The following EBF3 variants were observed in gnomAD, a reference collection of about 807,000 sequenced individuals.
The protein encoded by EBF3 is EBF transcription factor 3, also known as transcription factor COE3.
Under a neutral mutation model 77.1 loss-of-function variants are expected in EBF3, and 18 were observed. The ratio of observed to expected loss-of-function variants is 0.23; its 90% confidence interval spans 0.16 to 0.35. EBF3 has a LOEUF of 0.35. Among genes scored for constraint, EBF3 ranks in the 10% least tolerant of loss-of-function variants. The probability of loss-of-function intolerance (pLI) is 1.00; values close to 1 mark genes in which losing one functional copy is unlikely to be tolerated. For synonymous variants in EBF3, 350 were observed against 343.5 expected, an observed-to-expected ratio of 1.02 and a Z score of -0.21; for missense variants, 558 against 860.0, an observed-to-expected ratio of 0.65 and a Z score of 4.39.
At position 129,962,951 on chromosome 10, in the gene EBF3, A is replaced by G. The variant is rs1353586176; in HGVS notation, c.346T>C (p.Tyr116His). 6.2e-7 allele frequency: 1 copy of G among 1,614,130 alleles called. No individual in the cohort carries two copies. Among genetic ancestry groups the G allele is most frequent in the East Asian group, 2.2e-5 (1 of 44,848 alleles). Residue 116 changes from tyrosine (Y) to histidine (H), a missense_variant, in exon 3 of 17, where the codon TAC becomes CAC. Coordinates refer to ENST00000440978, the MANE Select transcript of EBF3 (RefSeq NM_001375380.1). ...CGCAGCAGGCACTTACCGTTGCTGTACAATAACTGGAGTTTATAGTGGATG... is the reference window on the plus strand; with the variant it reads ...CGCAGCAGGCACTTACCGTTGCTGTGCAATAACTGGAGTTTATAGTGGATG... The part of the protein sequence containing the change: ...NGIHYKLQLL[Y>H]SNGVRTEQDL...
At chr10:129,909,796 C>G (rs1855394337) in intron 6 of EBF3, among the ~76,000 whole-genome samples, 1 of 152,256 alleles carries the variant, frequency 6.6e-6, no homozygotes, top group Non-Finnish European at 1.5e-5. Context: ...GCAGCGCCCA[C>G]CCCTGGGCTC....
At chr10:129,887,156 C>G (rs990238612) in intron 6 of EBF3, among the ~76,000 whole-genome samples, 1 of 151,962 alleles carries the variant, frequency 6.6e-6, no homozygotes, top group Non-Finnish European at 1.5e-5. Context: ...CTGGGACCCT[C>G]AGCCCTGGGC....
chr10:129,873,734 C>T lies in EBF3; in HGVS notation c.637-138G>A, dbSNP rs368568772. The T allele has an allele frequency of 1.1e-5, 10 of 942,994 alleles. No homozygotes were observed. The South Asian group carries it at 1.3e-4, about 12-fold the overall frequency. The allele number at this position is 942,994 out of a possible 1,614,324, so 58.4% of individuals were successfully genotyped here. On this transcript the variant is annotated intron_variant, in intron 7 of 16. Coordinates refer to ENST00000440978, the MANE Select transcript of EBF3 (RefSeq NM_001375380.1). ...TTCCTGGACACTGTTGATCGATGTGCGTTCACAGCTTTTTTGGCTAATGGG... is the reference window on the plus strand; with the variant it reads ...TTCCTGGACACTGTTGATCGATGTGTGTTCACAGCTTTTTTGGCTAATGGG...
intron 8 of EBF3, among the ~76,000 whole-genome samples, chr10:129,868,502 T>C (rs1271830694): frequency 6.6e-6 from 1 of 152,220 alleles, no homozygotes; most frequent in Non-Finnish European, 1.5e-5. Context: ...TCGACAGGGA[T>C]CCCCGCGCCG....
rs192156261 is a variant in EBF3, at chr10:129,935,749, G to T, written c.554+21509C>A. Among the ~76,000 whole-genome samples the T allele has an allele frequency of 1.3e-5, 2 of 152,330 alleles. No homozygotes were observed. The highest frequency in any genetic ancestry group is 3.9e-4 in the East Asian group (2 of 5,170). On this transcript the variant is annotated intron_variant, in intron 6 of 16. Coordinates refer to ENST00000440978, the MANE Select transcript of EBF3 (RefSeq NM_001375380.1). This position sits in a 1 kb window ranked among gnomAD's most constrained non-coding sequence, Gnocchi z 4.2. ...GCAGTCACTGCTGCACAGAAACAAA[G>T]ACTAAGCCCATCTGGAGCAGAGCTT... is the stretch of plus-strand genomic sequence containing the variant.
chr10:129,848,356 C>T lies in EBF3; in HGVS notation c.1128+36G>A. 1 of 1,605,278 alleles carries T rather than the reference C, an allele frequency of 6.2e-7. No homozygotes were observed. Among genetic ancestry groups the T allele is most frequent in the Non-Finnish European group, 8.5e-7 (1 of 1,172,032 alleles). ...ACCAGAACCAGCCCAGTGGCGGCCC[C>T]ACCATGAGCGGGGTGCCACTTGCTC... On this transcript the variant is annotated intron_variant, in intron 11 of 16. Transcript: ENST00000440978. The surrounding 1 kb of genome is among the most constrained non-coding windows in gnomAD (Gnocchi z 4.4).
intron 7 of EBF3, among the ~76,000 whole-genome samples, chr10:129,874,573 A>C (rs373957518): frequency 1.5e-4 from 23 of 152,338 alleles, no homozygotes; most frequent in African/African-American, 5.1e-4. Context: ...ATCTGAGGCC[A>C]GGTTTCATCT....
chr10:129,880,084 C>T (rs1355196197), intron 6 of EBF3, among the ~76,000 whole-genome samples: 1 of 152,192 alleles, frequency 6.6e-6, no homozygotes, highest in African/African-American at 2.4e-5. Context: ...ACCCTTTTAC[C>T]TCCAAGAGAA....
rs1469832487 is a variant in EBF3, at chr10:129,964,075, T to C, written c.-307A>G. 2 of 984,986 alleles carry C rather than the reference T, an allele frequency of 2.0e-6. No homozygotes were observed. Among genetic ancestry groups the C allele is most frequent in the Admixed American group, 1.2e-4 (2 of 16,246 alleles). 61.0% of individuals were successfully genotyped at this position (984,986 alleles called of 1,614,324 possible). On this transcript the variant is annotated 5_prime_UTR_variant, in exon 1 of 17. An upstream start codon of the reference 5' UTR is lost. Coordinates refer to ENST00000440978, the MANE Select transcript of EBF3 (RefSeq NM_001375380.1). This position sits in a 1 kb window ranked among gnomAD's most constrained non-coding sequence, Gnocchi z 4.5. ...TGCAGGCGCGCTCAACGTGGTGTCA[T>C]CCTAGCCAGGCGGCGTCCGCGGCTG... is the stretch of plus-strand genomic sequence containing the variant.
chr10:129,852,177 C>T (rs1193145580), intron 10 of EBF3, among the ~76,000 whole-genome samples: 12 of 152,242 alleles, frequency 7.9e-5, no homozygotes, highest in South Asian at 2.1e-4. Context: ...GCTTCCTGCA[C>T]GCTGGAATAG....
rs1199314822 is a variant in EBF3 at position 129,962,155 on chromosome 10, G to A, written c.411+16C>T. On this transcript the variant is annotated intron_variant, in intron 4 of 16. Coordinates refer to ENST00000440978, the MANE Select transcript of EBF3 (RefSeq NM_001375380.1). Reference sequence around the variant, plus strand: ...CCCAGCAGTGAAAACTCGTGCAGAGGCATAAACTTTCTCACCTGTTTGGTC... The same window carrying A: ...CCCAGCAGTGAAAACTCGTGCAGAGACATAAACTTTCTCACCTGTTTGGTC... The A allele has an allele frequency of 3.7e-6, 6 of 1,613,900 alleles. No homozygotes were observed. The African/African-American group carries it at 6.7e-5, about 18-fold the overall frequency.
intron 6 of EBF3, among the ~76,000 whole-genome samples, chr10:129,884,676 G>A (rs1286686899): frequency 4.6e-5 from 7 of 152,168 alleles, no homozygotes; most frequent in Non-Finnish European, 8.8e-5. Flanking sequence ...CTCTCCAGGC[G>A]AGAGGTCTGG....
intron 6 of EBF3, among the ~76,000 whole-genome samples, chr10:129,927,943 G>C (rs1276848332): frequency 6.6e-6 from 1 of 152,194 alleles, no homozygotes; most frequent in Non-Finnish European, 1.5e-5. Flanking sequence ...GTTGTCAAGT[G>C]CTCGGTGGAG....
At chr10:129,890,041 T>C (rs1490482616) in intron 6 of EBF3, among the ~76,000 whole-genome samples, 3 of 139,080 alleles carry the variant, frequency 2.2e-5, no homozygotes, top group East Asian at 4.6e-4. Context: ...GTACCAGAGG[T>C]AGTGCAGGGC....
rs1851665750 is a variant in EBF3, at chr10:129,861,910, G to A, written c.1039+5231C>T. Among the ~76,000 whole-genome samples, 1 of 152,196 alleles carries A rather than the reference G, an allele frequency of 6.6e-6. No individual in the cohort carries two copies. Among genetic ancestry groups the A allele is most frequent in the South Asian group, 2.1e-4 (1 of 4,832 alleles). Reference sequence around the variant, plus strand: ...CACCGGCCTGGGAGACAGCAAGCTGGGGCTGGCGTGGTCGAAGGGCACAGT... The same window carrying A: ...CACCGGCCTGGGAGACAGCAAGCTGAGGCTGGCGTGGTCGAAGGGCACAGT... On this transcript the variant is annotated intron_variant, in intron 10 of 16. Transcript: ENST00000440978. This position sits in a 1 kb window ranked among gnomAD's most constrained non-coding sequence, Gnocchi z 4.3.
chr10:129,961,781 C>T (rs1329787862), intron 4 of EBF3, among the ~76,000 whole-genome samples: 3 of 152,010 alleles, frequency 2.0e-5, no homozygotes, highest in Admixed American at 2.0e-4. Flanking sequence ...AAGTCCAACT[C>T]GATGGGCTTA....
chr10:129,835,768 T>C lies in EBF3; in HGVS notation c.*2175A>G, dbSNP rs1478498240. 1.3e-5 allele frequency: 2 copies of C among 152,446 alleles called. No individual in the cohort carries two copies. Among genetic ancestry groups the C allele is most frequent in the Non-Finnish European group, 2.9e-5 (2 of 68,050 alleles). 9.4% of individuals were successfully genotyped at this position (152,446 alleles called of 1,614,324 possible). On this transcript the variant is annotated 3_prime_UTR_variant, in exon 17 of 17. Coordinates refer to ENST00000440978, the MANE Select transcript of EBF3 (RefSeq NM_001375380.1). ...AAGGTATTTTAAAGTCCCTCCTTTTTGTTTTAAATTCGATTTCTGCTGCAG... is the reference window on the plus strand; with the variant it reads ...AAGGTATTTTAAAGTCCCTCCTTTTCGTTTTAAATTCGATTTCTGCTGCAG...
At chr10:129,849,107 A>G (rs1850672916) in intron 10 of EBF3, among the ~76,000 whole-genome samples, 1 of 152,180 alleles carries the variant, frequency 6.6e-6, no homozygotes, top group Admixed American at 6.5e-5. Context: ...TTGACTATGA[A>G]CTGTGCGCGG....
At chr10:129,851,614 G>C (rs909729994) in intron 10 of EBF3, among the ~76,000 whole-genome samples, 4 of 152,182 alleles carry the variant, frequency 2.6e-5, no homozygotes, top group African/African-American at 9.6e-5. Context: ...ATCTGGATCT[G>C]AGAGGATGAG....
Sources: allele counts gnomAD v4.1 joint callset (sites outside exome capture counted in the v4.1 genomes callset), GRCh38; gene constraint gnomAD v4.1.1; non-coding constraint Gnocchi (gnomAD v3.1); transcripts MANE v1.5; gene names NCBI Gene and HGNC (gene_info 2026-07-23, HGNC 2026-07-21).